EPRS1: variants seen among roughly 807,000 people sequenced by gnomAD.
EPRS1 encodes the protein bifunctional glutamate/proline--tRNA ligase.
In EPRS1, 107 loss-of-function variants were observed where a neutral mutation model predicts 188.3. The observed-to-expected ratio is 0.57, with a 90% CI of 0.49 to 0.67. EPRS1 has a LOEUF of 0.67. Ranked by LOEUF, EPRS1 falls within the 30% of genes least tolerant of loss-of-function variation. The pLI is 0.00. For missense variants in EPRS1, 1,577 were observed against 1,802.2 expected (o/e 0.88, Z 2.26); for synonymous variants, 596 against 593.1 (o/e 1.00, Z -0.07).
At chr1:219,994,990 T>C (rs931540648) in intron 18 of EPRS1, among the ~76,000 whole-genome samples, 19 of 152,124 alleles carry the variant, frequency 1.2e-4, no homozygotes, top group Admixed American at 8.5e-4. Flanking sequence ...CCTATTGTTG[T>C]TATGCACCAT....
intron 2 of EPRS1, among the ~76,000 whole-genome samples, chr1:220,039,808 G>T (rs866393336): frequency 1.3e-5 from 2 of 152,150 alleles, no homozygotes; most frequent in African/African-American, 4.8e-5. Flanking sequence ...GTGAGCCACC[G>T]CGCCCGGCGA....
intron 30 of EPRS1, among the ~76,000 whole-genome samples, chr1:219,970,468 TA>T (rs1480918025): frequency 6.6e-6 from 1 of 152,144 alleles, no homozygotes; most frequent in East Asian, 1.9e-4. Flanking sequence ...ACCCACTGTC[TA>T]GCCTTCTATT....
At position 220,046,491 on chromosome 1, in the gene EPRS1, G is replaced by A. The variant is rs892448576; in HGVS notation, c.-103C>T. The A allele has an allele frequency of 2.0e-6, 3 of 1,523,460 alleles. No individual in the cohort carries two copies. In the African/African-American group the frequency reaches 4.1e-5, roughly 21 times the overall value. 94.4% of individuals were successfully genotyped at this position (1,523,460 alleles called of 1,614,324 possible). ...GATGCAACGTGTGCGCGTACCCGAC[G>A]CCGCCGCAGCCTTCGCTCCGCCCCT... On this transcript the variant is annotated 5_prime_UTR_variant, in exon 1 of 32. Coordinates refer to ENST00000366923, the MANE Select transcript of EPRS1 (RefSeq NM_004446.3).
intron 18 of EPRS1, among the ~76,000 whole-genome samples, chr1:219,992,624 TC>T (rs1434889511): frequency 6.6e-6 from 1 of 152,166 alleles, no homozygotes; most frequent in Non-Finnish European, 1.5e-5. Context: ...GTGGCTGTAT[TC>T]CAATAAAACT....
chr1:220,018,868 C>T, intron 11 of EPRS1, 127 bp downstream of exon 11: 6 of 393,926 alleles, frequency 1.5e-5, no homozygotes, highest in Middle Eastern at 3.9e-4. Context: ...AAAAAAAAAT[C>T]TGCCCTTGGA....
intron 20 of EPRS1, among the ~76,000 whole-genome samples, chr1:219,986,888 G>A (rs1250421785): frequency 3.9e-5 from 6 of 151,998 alleles, no homozygotes; most frequent in East Asian, 1.9e-4. Flanking sequence ...GACTGATTAC[G>A]GTGGTGGGGA....
chr1:220,044,678 C>A (rs1035875465), intron 1 of EPRS1, among the ~76,000 whole-genome samples: 1 of 69,990 alleles, frequency 1.4e-5, no homozygotes, highest in Non-Finnish European at 2.3e-5. Flanking sequence ...TGAGCTCGGT[C>A]TCCAAAAAAA....
At chr1:220,030,638 G>T (rs141663265) in intron 5 of EPRS1, among the ~76,000 whole-genome samples, 158 bp from the exon 6 acceptor site, 22 of 152,272 alleles carry the variant, frequency 1.4e-4, no homozygotes, top group Non-Finnish European at 2.8e-4. Context: ...ATCTGGTTAA[G>T]AATATAAATA....
In EPRS1 at chr1:220,019,077, T is replaced by C; in HGVS notation, c.1352A>G (p.Asp451Gly). The C allele has an allele frequency of 6.2e-7, 1 of 1,607,804 alleles. No individual in the cohort carries two copies. The highest frequency in any genetic ancestry group is 8.5e-7 in the Non-Finnish European group (1 of 1,174,462). The change falls in exon 11 of 32, where the codon GAT becomes GGT. Residue 451 changes from aspartate (D) to glycine (G), a missense_variant and splice_region_variant. Physicochemically the swap from Asp to Gly is moderately conservative, Grantham distance 94. Coordinates refer to ENST00000366923, the MANE Select transcript of EPRS1 (RefSeq NM_004446.3). Reference sequence around the variant, plus strand: ...ACGAACCGTAGGAAATCTTGGGTCATCCCTGGAAATATGTAAATTTTAAGT... The same window carrying C: ...ACGAACCGTAGGAAATCTTGGGTCACCCCTGGAAATATGTAAATTTTAAGT... ...FVNEGLVDGW[D>G]DPRFPTVRGV...
At chr1:219,999,876 T>A (rs910502431) in intron 17 of EPRS1, among the ~76,000 whole-genome samples, 1 of 152,150 alleles carries the variant, frequency 6.6e-6, no homozygotes, top group African/African-American at 2.4e-5. Flanking sequence ...CTTGGGAGGC[T>A]GAGGCAAGAA....
chr1:219,988,921 C>T lies in EPRS1; in HGVS notation c.2542-98G>A, dbSNP rs912491302. 8.6e-6 allele frequency: 6 copies of T among 698,120 alleles called. No individual in the cohort carries two copies. In the Admixed American group the frequency reaches 1.5e-4, roughly 17 times the overall value. 43.2% of individuals were successfully genotyped at this position (698,120 alleles called of 1,614,324 possible). ...TCTTTAATTATCAGCAAATCATTCCCATAAGTTAATCATGGGGAAACCTAT... is the reference window on the plus strand; with the variant it reads ...TCTTTAATTATCAGCAAATCATTCCTATAAGTTAATCATGGGGAAACCTAT... On this transcript the variant is annotated intron_variant, in intron 18 of 31. Coordinates refer to ENST00000366923, the MANE Select transcript of EPRS1 (RefSeq NM_004446.3).
chr1:219,989,516 GGAGGTATCAATCAAAATA>G (rs113509991), intron 18 of EPRS1, among the ~76,000 whole-genome samples: 2,666 of 152,078 alleles, frequency 0.018, 80 homozygotes, highest in African/African-American at 0.061. Context: ...CTGGGAACTT[GGAGGTATCAATCAAAATA>G]GATAGGAAAA....
rs1660827597 is a variant in EPRS1, at chr1:219,978,734, A to C, written c.3910-15T>G. On this transcript the variant is annotated splice_polypyrimidine_tract_variant and intron_variant, in intron 27 of 31. Coordinates refer to ENST00000366923, the MANE Select transcript of EPRS1 (RefSeq NM_004446.3). ...ATAATCACCACCTAGAATCAGCACA[A>C]TGTCCCAAATGTATGCAAAGAAACA... 1 of 1,592,116 alleles carries C rather than the reference A, an allele frequency of 6.3e-7. No individual in the cohort carries two copies. Among genetic ancestry groups the C allele is most frequent in the Non-Finnish European group, 8.6e-7 (1 of 1,167,704 alleles).
intron 1 of EPRS1, among the ~76,000 whole-genome samples, chr1:220,041,001 T>C (rs1283931733): frequency 1.3e-5 from 2 of 151,918 alleles, no homozygotes; most frequent in African/African-American, 2.4e-5. Flanking sequence ...TGCCAAATGC[T>C]TTACAGTTAG....
intron 19 of EPRS1, 104 bp downstream of exon 19, chr1:219,988,486 T>G (rs1379377831): frequency 2.9e-6 from 2 of 698,376 alleles, no homozygotes; most frequent in Non-Finnish European, 4.9e-6. Flanking sequence ...AACTGAAATA[T>G]GAGTAGAAGT....
At chr1:220,002,013 A>C (rs1431656929) in intron 16 of EPRS1, among the ~76,000 whole-genome samples, 3 of 149,280 alleles carry the variant, frequency 2.0e-5, no homozygotes, top group African/African-American at 7.4e-5. Context: ...TGCGTGACAG[A>C]GTGAGATTCT....
chr1:220,025,315 A>C, intron 6 of EPRS1, 57 bp from the exon 7 acceptor site: 3 of 1,387,242 alleles, frequency 2.2e-6, no homozygotes. Flanking sequence ...TAAATACTTA[A>C]ACTTAACCTT....
At chr1:220,002,078 C>T (rs1661364308) in intron 16 of EPRS1, among the ~76,000 whole-genome samples, 2 of 151,914 alleles carry the variant, frequency 1.3e-5, no homozygotes, top group South Asian at 4.2e-4. Context: ...GACTCTAATC[C>T]CAGCACTTTG....
Position 219,972,059 on chromosome 1 carries a change from ACT to A in EPRS1, c.4323+8_4323+9del, listed in dbSNP as rs999916677. 8 of 1,545,316 alleles carry A rather than the reference ACT, an allele frequency of 5.2e-6. No individual in the cohort carries two copies. In the African/African-American group the frequency reaches 1.1e-4, roughly 22 times the overall value. The stretch of plus-strand genomic sequence containing the variant: ...ATTCTTATACTGAAAAGTTTTCCAA[ACT>A]CTCTGACCTTTCCAGAATCTAGTAT... On this transcript the variant is annotated splice_region_variant and intron_variant, in intron 30 of 31. Transcript: ENST00000366923.
Sources: allele counts gnomAD v4.1 joint callset (sites outside exome capture counted in the v4.1 genomes callset), GRCh38; gene constraint gnomAD v4.1.1; transcripts MANE v1.5; gene names NCBI Gene and HGNC (gene_info 2026-07-23, HGNC 2026-07-21).